Variants in IGDCC4 observed in about 807,000 individuals in gnomAD.
IGDCC4 encodes immunoglobulin superfamily DCC subclass member 4, also known as likely ortholog of mouse neighbor of Punc E11.
In IGDCC4, 72 loss-of-function variants were observed where a neutral mutation model predicts 116.6. The observed-to-expected ratio is 0.62, with a 90% CI of 0.51 to 0.75. The LOEUF (loss-of-function observed/expected upper bound fraction) is 0.75, where lower values mean the gene tolerates loss of function less well. Ranked by LOEUF, IGDCC4 falls within the 30% of genes least tolerant of loss-of-function variation. The pLI, the probability that IGDCC4 is intolerant of heterozygous loss-of-function variation, is 0.00. For missense variants in IGDCC4, 1,501 were observed against 1,662.4 expected (o/e 0.90, Z 1.69); for synonymous variants, 709 against 719.9 (o/e 0.98, Z 0.24).
chr15:65,410,196 G>A lies in IGDCC4; in HGVS notation c.545C>T (p.Thr182Ile), dbSNP rs1377897892. 1 of 1,613,412 alleles carries A rather than the reference G, an allele frequency of 6.2e-7. No individual in the cohort carries two copies. The highest frequency in any genetic ancestry group is 1.1e-5 in the South Asian group (1 of 91,036). Residue 182 changes from threonine to isoleucine, a missense_variant, in exon 3 of 20, where the codon ACA becomes ATA. This residue lies in a region of IGDCC4 where 898 missense variants were observed against 978.9 expected (regional missense o/e 0.92). Transcript: ENST00000352385. ...CACTCACCGAGGCTCCTCAGGCAAT[G>A]TCACCTGGTCCTTCTCCCAAGTAAT... ...PIITWEKDQV[T>I]LPEEPRLIVL...
rs1442284224 is a variant in IGDCC4 at position 65,406,020 on chromosome 15, A to G, written c.564-3533T>C. 2.0e-5 allele frequency among the ~76,000 whole-genome samples: 3 copies of G among 152,320 alleles called. No individual in the cohort carries two copies. The East Asian group carries it at 5.8e-4, about 29-fold the overall frequency. ...CCAGGGCAAGGGGATACTGGCTGGA[A>G]GTCACATGAGATTGACAGAAATGGT... On this transcript the variant is annotated intron_variant, in intron 3 of 19. Coordinates refer to ENST00000352385, the MANE Select transcript of IGDCC4 (RefSeq NM_020962.3).
chr15:65,391,889 G>GCGCCTTCTC lies in IGDCC4; in HGVS notation c.2206_2214dup (p.Glu736_Ala738dup), dbSNP rs767588236. 2 of 1,613,568 alleles carry GCGCCTTCTC rather than the reference G, an allele frequency of 1.2e-6. No individual in the cohort carries two copies. The highest frequency in any genetic ancestry group is 1.7e-6 in the Non-Finnish European group (2 of 1,179,938). ...CCCCCACCGCCCTCACCTGGTGCCG[G>GCGCCTTCTC]CGCCTTCTCCGTCTTGCCCTTCCAC... On this transcript the variant is annotated inframe_insertion, in exon 12 of 20. Coordinates refer to ENST00000352385, the MANE Select transcript of IGDCC4 (RefSeq NM_020962.3).
chr15:65,393,839 G>A lies in IGDCC4; in HGVS notation c.1715-308C>T, dbSNP rs910132030. On this transcript the variant is annotated intron_variant, in intron 9 of 19. Transcript: ENST00000352385. The surrounding 1 kb of genome is among the most constrained non-coding windows in gnomAD (Gnocchi z 4.6). Reference sequence around the variant, plus strand: ...CTGCCAACACACACACACACGGGATGCAGACACAAGAGGCTGACCATGAAG... The same window carrying A: ...CTGCCAACACACACACACACGGGATACAGACACAAGAGGCTGACCATGAAG... 1.3e-5 allele frequency among the ~76,000 whole-genome samples: 2 copies of A among 152,170 alleles called. No individual in the cohort carries two copies. The highest frequency in any genetic ancestry group is 4.8e-5 in the African/African-American group (2 of 41,432).
chr15:65,402,200 C>G (rs752181781), intron 4 of IGDCC4, 151 bp downstream of exon 4: 14 of 912,368 alleles, frequency 1.5e-5, no homozygotes, highest in Non-Finnish European at 2.2e-5. Flanking sequence ...GGTGGCAGTA[C>G]CCTCTCTGGG....
intron 18 of IGDCC4, 105 bp downstream of exon 18, chr15:65,385,726 G>T: frequency 1.0e-6 from 1 of 954,622 alleles, no homozygotes. Flanking sequence ...TCCGCAGCCG[G>T]CTCCGAAGAG....
intron 3 of IGDCC4, among the ~76,000 whole-genome samples, chr15:65,402,831 C>T (rs113486316): frequency 3.9e-5 from 6 of 152,284 alleles, no homozygotes; most frequent in African/African-American, 1.4e-4. Flanking sequence ...TGCACCATTG[C>T]ACTCCAGCCT....
In IGDCC4 at chr15:65,395,269, G is replaced by A. The variant is rs368328178; in HGVS notation, c.1412-11C>T. 8 of 1,601,788 alleles carry A rather than the reference G, an allele frequency of 5.0e-6. No individual in the cohort carries two copies. Among genetic ancestry groups the A allele is most frequent in the South Asian group, 4.4e-5 (4 of 90,144 alleles). The stretch of plus-strand genomic sequence containing the variant: ...CCACATTGTCCATGCCTGGTGACAC[G>A]GGGGACAAGGGGACTGTCATAGTGC... On this transcript the variant is annotated splice_polypyrimidine_tract_variant and intron_variant, in intron 7 of 19. Coordinates refer to ENST00000352385, the MANE Select transcript of IGDCC4 (RefSeq NM_020962.3).
chr15:65,417,025 A>G (rs2063151527), intron 1 of IGDCC4, among the ~76,000 whole-genome samples: 1 of 152,218 alleles, frequency 6.6e-6, no homozygotes, highest in South Asian at 2.1e-4. Flanking sequence ...CAACGAGGCC[A>G]AGATGGCTCC....
chr15:65,386,090 C>A lies in IGDCC4; in HGVS notation c.2952-31G>T, dbSNP rs199588403. 86 of 1,379,554 alleles carry A rather than the reference C, an allele frequency of 6.2e-5. 1 individual carries two copies. The East Asian group carries it at 1.3e-3, about 20-fold the overall frequency. The allele number at this position is 1,379,554 out of a possible 1,614,324, so 85.5% of individuals were successfully genotyped here. The stretch of plus-strand genomic sequence containing the variant: ...AGGGAAGACGGAAAACAAGGCATAG[C>A]GGTCAGAGTAAGGGGTCAGGCGGGG... On this transcript the variant is annotated intron_variant, in intron 17 of 19. Coordinates refer to ENST00000352385, the MANE Select transcript of IGDCC4 (RefSeq NM_020962.3).
chr15:65,402,828 T>C (rs572795724), intron 3 of IGDCC4, among the ~76,000 whole-genome samples: 7 of 152,016 alleles, frequency 4.6e-5, no homozygotes, highest in South Asian at 4.1e-4. Flanking sequence ...GATTGCACCA[T>C]TGCACTCCAG....
chr15:65,408,318 G>C (rs975657967), intron 3 of IGDCC4, among the ~76,000 whole-genome samples: 1 of 152,112 alleles, frequency 6.6e-6, no homozygotes, highest in Non-Finnish European at 1.5e-5. Context: ...GTAGGCTCTC[G>C]CGTGGTTCTC....
At chr15:65,410,828 G>A (rs34296730) in intron 2 of IGDCC4, 192 bp downstream of exon 2, 2 of 590,038 alleles carry the variant, frequency 3.4e-6, no homozygotes, top group Non-Finnish European at 3.0e-6. Flanking sequence ...GAAGAAGCGG[G>A]AAGATTATGG....
chr15:65,411,315 T>C lies in IGDCC4; in HGVS notation c.126A>G (p.Pro42=). 1.2e-6 allele frequency: 2 copies of C among 1,607,404 alleles called. No homozygotes were observed. Among genetic ancestry groups the C allele is most frequent in the South Asian group, 2.2e-5 (2 of 90,304 alleles). ...GCTCTGGGCCCAGGATCACTTGCAGTGGCCCCACTCCACAGCTCAGCTCCA... is the reference window on the plus strand; with the variant it reads ...GCTCTGGGCCCAGGATCACTTGCAGCGGCCCCACTCCACAGCTCAGCTCCA... ...TTVELSCGVG[P]LQVILGPEQA... Residue 42 remains proline, a synonymous_variant, in exon 2 of 20, where the codon CCA becomes CCG. Coordinates refer to ENST00000352385, the MANE Select transcript of IGDCC4 (RefSeq NM_020962.3).
chr15:65,389,210 A>G, intron 14 of IGDCC4, 74 bp downstream of exon 14: 1 of 1,578,154 alleles, frequency 6.3e-7, no homozygotes, highest in South Asian at 1.2e-5. Context: ...GTTCTGAAGT[A>G]TGTTTCTTGC....
chr15:65,391,058 C>T (rs983039898), intron 12 of IGDCC4, among the ~76,000 whole-genome samples: 1 of 152,074 alleles, frequency 6.6e-6, no homozygotes, highest in African/African-American at 2.4e-5. Flanking sequence ...CATGGTGAAA[C>T]CCCGTCTCTA....
chr15:65,405,269 A>G (rs593647), intron 3 of IGDCC4, among the ~76,000 whole-genome samples: 82,495 of 150,282 alleles, frequency 0.55, 24,345 homozygotes, highest in African/African-American at 0.77. Flanking sequence ...TGTAGGAGTG[A>G]GATTACGGGG....
At chr15:65,389,499 C>A in intron 13 of IGDCC4, 88 bp from the exon 14 acceptor site, 1 of 1,578,964 alleles carries the variant, frequency 6.3e-7, no homozygotes, top group South Asian at 1.1e-5. Flanking sequence ...TGCAGTCAGC[C>A]CCAGCCCCAG....
At position 65,396,028 on chromosome 15, in the gene IGDCC4, T is replaced by C. The variant is rs1180986807; in HGVS notation, c.1133A>G (p.Asn378Ser). 1 of 1,482,478 alleles carries C rather than the reference T, an allele frequency of 6.7e-7. No individual in the cohort carries two copies. The highest frequency in any genetic ancestry group is 8.9e-7 in the Non-Finnish European group (1 of 1,122,716). The allele number at this position is 1,482,478 out of a possible 1,614,324, so 91.8% of individuals were successfully genotyped here. The change falls in exon 7 of 20, where the codon AAC (asparagine) becomes AGC (serine). Residue 378 changes from asparagine (N) to serine (S), a missense_variant. By Grantham distance (46) the Asn-to-Ser change is conservative. Transcript: ENST00000352385. ...WLHNGAPLRP[N>S]GRVKVQGGGG... The stretch of plus-strand genomic sequence containing the variant: ...GCCGCCCTGGACCTTGACGCGCCCG[T>C]TGGGCCGCAGCGGCGCCCCGTTGTG...
chr15:65,395,028 G>T, intron 8 of IGDCC4, 66 bp downstream of exon 8: 2 of 1,519,746 alleles, frequency 1.3e-6, no homozygotes, highest in Non-Finnish European at 8.9e-7. Context: ...TAAAGAGAGG[G>T]TGAGCTCCCC....
Sources: allele counts gnomAD v4.1 joint callset (sites outside exome capture counted in the v4.1 genomes callset), GRCh38; gene constraint gnomAD v4.1.1; regional missense constraint gnomAD v4.1.1; non-coding constraint Gnocchi (gnomAD v3.1); transcripts MANE v1.5; gene names NCBI Gene and HGNC (gene_info 2026-07-23, HGNC 2026-07-21).